The following DLG2 variants were observed in gnomAD, a reference collection of about 807,000 sequenced individuals.
The protein encoded by DLG2 is disks large homolog 2.
A neutral mutation model predicts 132.5 loss-of-function variants in DLG2; 45 were observed. The observed-to-expected ratio is 0.34, with a 90% confidence interval of 0.27 to 0.44. The LOEUF (loss-of-function observed/expected upper bound fraction) is 0.44, where lower values mean the gene tolerates loss of function less well. Among genes scored for constraint, DLG2 ranks in the 20% least tolerant of loss-of-function variants. The pLI is 1.00. For missense variants in DLG2, 1,045 were observed against 1,196.9 expected (o/e 0.87, Z 1.87); for synonymous variants, 424 against 419.6 (o/e 1.01, Z -0.13).
At chr11:85,318,743 G>A (rs1459887540) in intron 3 of DLG2, among the ~76,000 whole-genome samples, 1 of 151,766 alleles carries the variant, frequency 6.6e-6, no homozygotes, top group Non-Finnish European at 1.5e-5. Flanking sequence ...AAGGAAACAT[G>A]AAAGTTGAGC....
chr11:85,479,478 G>T (rs2093233163), intron 3 of DLG2, among the ~76,000 whole-genome samples: 1 of 152,176 alleles, frequency 6.6e-6, no homozygotes, highest in Non-Finnish European at 1.5e-5. Context: ...ATTTTGGGAA[G>T]ACATAAACAT....
At chr11:83,639,937 A>T (rs2065987723) in intron 18 of DLG2, among the ~76,000 whole-genome samples, 1 of 152,188 alleles carries the variant, frequency 6.6e-6, no homozygotes, top group Non-Finnish European at 1.5e-5. Flanking sequence ...TGTGAGACTC[A>T]AAATGAGATT....
chr11:84,732,717 A>T (rs2063306780), intron 6 of DLG2, among the ~76,000 whole-genome samples: 1 of 152,016 alleles, frequency 6.6e-6, no homozygotes, highest in East Asian at 1.9e-4. Flanking sequence ...GTATGTATAC[A>T]TGTGCCATGT....
rs555044740 is a variant in DLG2, at chr11:83,686,590, A to G, written c.1826-53265T>C. Among the ~76,000 whole-genome samples, 221 of 151,500 alleles carry G rather than the reference A, an allele frequency of 1.5e-3. 2 individuals carry two copies. Among genetic ancestry groups the G allele is most frequent in the Admixed American group, 0.01 (158 of 15,254 alleles). On this transcript the variant is annotated intron_variant, in intron 18 of 27. Coordinates refer to ENST00000376104, the MANE Select transcript of DLG2 (RefSeq NM_001142699.3). The stretch of plus-strand genomic sequence containing the variant: ...ACATTAAATGAATGTTATATGTAAT[A>G]TGTATTTATTAAATGAATGTATTTG...
chr11:83,752,359 C>A (rs1257762735), intron 18 of DLG2, among the ~76,000 whole-genome samples: 1 of 151,366 alleles, frequency 6.6e-6, no homozygotes, highest in Non-Finnish European at 1.5e-5. Context: ...CTCCCCATTC[C>A]AAAACACACA....
intron 3 of DLG2, among the ~76,000 whole-genome samples, chr11:85,504,108 A>G (rs1282939192): frequency 2.0e-5 from 3 of 152,168 alleles, no homozygotes; most frequent in Non-Finnish European, 4.4e-5. Context: ...GATTCTGGAT[A>G]TTAGCTCTTT....
intron 15 of DLG2, among the ~76,000 whole-genome samples, chr11:83,882,796 T>A (rs1045052945): frequency 1.3e-5 from 2 of 152,204 alleles, no homozygotes; most frequent in African/African-American, 4.8e-5. Context: ...CTTATATGAA[T>A]GTCTAATAGG....
intron 3 of DLG2, among the ~76,000 whole-genome samples, chr11:85,536,198 G>C (rs1442549527): frequency 3.1e-5 from 4 of 129,558 alleles, no homozygotes; most frequent in South Asian, 2.6e-4. Flanking sequence ...CCTGGCAACA[G>C]AGTGTGACCC....
chr11:83,684,862 A>G (rs2079459672), intron 18 of DLG2, among the ~76,000 whole-genome samples: 1 of 152,130 alleles, frequency 6.6e-6, no homozygotes, highest in Non-Finnish European at 1.5e-5. Flanking sequence ...TAACTCTTAT[A>G]TTGTAGCATT....
chr11:83,842,369 G>T (rs1227181645), intron 16 of DLG2, among the ~76,000 whole-genome samples: 3 of 152,148 alleles, frequency 2.0e-5, no homozygotes, highest in African/African-American at 4.8e-5. Context: ...GCCAAGGCGG[G>T]CGGATCATGA....
chr11:83,501,669 A>G (rs1249575099), intron 21 of DLG2, among the ~76,000 whole-genome samples: 1 of 152,182 alleles, frequency 6.6e-6, no homozygotes, highest in East Asian at 1.9e-4. Context: ...CATTCTCTAA[A>G]TGCATTGCTA....
At chr11:83,959,300 G>A (rs969271174) in intron 14 of DLG2, among the ~76,000 whole-genome samples, 1 of 152,000 alleles carries the variant, frequency 6.6e-6, no homozygotes, top group Non-Finnish European at 1.5e-5. Flanking sequence ...CATAACAAAC[G>A]TGACTATAAA....
intron 18 of DLG2, among the ~76,000 whole-genome samples, chr11:83,768,045 T>G (rs1394736154): frequency 6.6e-6 from 1 of 152,196 alleles, no homozygotes; most frequent in Non-Finnish European, 1.5e-5. Context: ...GGCTCATTAA[T>G]TAAGCCCATT....
chr11:83,499,141 G>A (rs1366801612), intron 21 of DLG2, among the ~76,000 whole-genome samples: 1 of 152,116 alleles, frequency 6.6e-6, no homozygotes, highest in Non-Finnish European at 1.5e-5. Context: ...AAAAAAGAAT[G>A]AAAGCCAATT....
intron 7 of DLG2, among the ~76,000 whole-genome samples, chr11:84,253,301 G>A (rs1213270587): frequency 5.9e-5 from 9 of 152,086 alleles, no homozygotes; most frequent in African/African-American, 1.9e-4. Context: ...CTTCCTAGTG[G>A]TGTGATCTTA....
intron 18 of DLG2, among the ~76,000 whole-genome samples, chr11:83,774,257 C>T (rs1009088737): frequency 2.0e-5 from 3 of 152,166 alleles, no homozygotes; most frequent in Non-Finnish European, 2.9e-5. Flanking sequence ...TCCATTCCTC[C>T]TCTGGGTCTA....
At chr11:83,712,095 G>T (rs530706875) in intron 18 of DLG2, among the ~76,000 whole-genome samples, 26 of 152,264 alleles carry the variant, frequency 1.7e-4, no homozygotes, top group African/African-American at 6.3e-4. Context: ...GTGGAAGACA[G>T]TGTAGTGATT....
At chr11:84,304,174 G>A (rs2154383415) in intron 7 of DLG2, among the ~76,000 whole-genome samples, 1 of 152,202 alleles carries the variant, frequency 6.6e-6, no homozygotes, top group South Asian at 2.1e-4. Flanking sequence ...GATAAGTCTT[G>A]GCCCCAAATC....
At chr11:83,599,762 T>C (rs668625) in intron 19 of DLG2, among the ~76,000 whole-genome samples, 75,795 of 152,020 alleles carry the variant, frequency 0.5, 19,872 homozygotes, top group African/African-American at 0.65. Flanking sequence ...TGAGTCCTAC[T>C]AGTTCTCTCT....
Sources: allele counts gnomAD v4.1 joint callset (sites outside exome capture counted in the v4.1 genomes callset), GRCh38; gene constraint gnomAD v4.1.1; transcripts MANE v1.5; gene names NCBI Gene and HGNC (gene_info 2026-07-23, HGNC 2026-07-21).